ARHGAP28: variants seen among roughly 807,000 people sequenced by gnomAD.
The protein encoded by ARHGAP28 is Rho GTPase activating protein 28.
ARHGAP28 carries 56 observed loss-of-function variants against 90.7 expected under a neutral mutation model. That is an observed-to-expected ratio of 0.62 (90% CI 0.50 to 0.77). The LOEUF (loss-of-function observed/expected upper bound fraction) is 0.77. ARHGAP28 is among the 30% of genes least tolerant of loss of function. ARHGAP28 has a pLI of 0.00. For synonymous variants in ARHGAP28, 308 were observed against 323.3 expected (o/e 0.95, Z 0.51); for missense variants, 869 against 900.9 (o/e 0.96, Z 0.45).
chr18:6,870,780 T>A lies in ARHGAP28; in HGVS notation c.954+48T>A, dbSNP rs75820601. The A allele has an allele frequency of 2.6e-6, 4 of 1,538,700 alleles. No individual in the cohort carries two copies. In the Admixed American group the frequency reaches 8.6e-5, roughly 33 times the overall value. On this transcript the variant is annotated intron_variant, in intron 7 of 17. Coordinates refer to ENST00000383472, the MANE Select transcript of ARHGAP28 (RefSeq NM_001366230.1). ...ATTCCAGGAACTTCCTGTGACTTCA[T>A]AGGACAAAACTAAGATTTCTTTTTC...
intron 1 of ARHGAP28, among the ~76,000 whole-genome samples, chr18:6,780,482 C>T (rs962181601): frequency 3.9e-5 from 6 of 152,008 alleles, no homozygotes; most frequent in African/African-American, 1.4e-4. Flanking sequence ...ATGTAATGGA[C>T]TTGAGCATCG....
intron 11 of ARHGAP28, among the ~76,000 whole-genome samples, chr18:6,884,866 G>C (rs2057207951): frequency 6.6e-6 from 1 of 151,936 alleles, no homozygotes. Flanking sequence ...ATTTAAGAAG[G>C]GTATATGAAT....
chr18:6,768,053 T>G (rs1323597181), intron 1 of ARHGAP28, among the ~76,000 whole-genome samples: 2 of 152,278 alleles, frequency 1.3e-5, no homozygotes, highest in Non-Finnish European at 2.9e-5. Flanking sequence ...GTCTCCAAAT[T>G]TATTGGTCTC....
chr18:6,843,925 A>G (rs2056846285), intron 3 of ARHGAP28, among the ~76,000 whole-genome samples: 1 of 152,202 alleles, frequency 6.6e-6, no homozygotes, highest in Non-Finnish European at 1.5e-5. Flanking sequence ...TTAGTTGTAT[A>G]TTAAATCAAA....
At chr18:6,741,479 C>A (rs374733381) in intron 1 of ARHGAP28, among the ~76,000 whole-genome samples, 20 of 152,312 alleles carry the variant, frequency 1.3e-4, no homozygotes, top group African/African-American at 4.8e-4. Flanking sequence ...GCTGTGTCAT[C>A]CTTCATGAGG....
chr18:6,749,764 G>C (rs1600149462), intron 1 of ARHGAP28, among the ~76,000 whole-genome samples: 1 of 152,200 alleles, frequency 6.6e-6, no homozygotes, highest in African/African-American at 2.4e-5. Flanking sequence ...ATTTAGAGTA[G>C]TAATATAATC....
chr18:6,877,281 G>A (rs746170978), intron 10 of ARHGAP28, among the ~76,000 whole-genome samples: 1 of 152,188 alleles, frequency 6.6e-6, no homozygotes, highest in Non-Finnish European at 1.5e-5. Context: ...GGTGAGGAGC[G>A]GAGGAGAGTC....
At chr18:6,875,258 C>T (rs184019984) in intron 9 of ARHGAP28, among the ~76,000 whole-genome samples, 17 of 152,302 alleles carry the variant, frequency 1.1e-4, no homozygotes, top group Non-Finnish European at 2.1e-4. Context: ...AAGTGTTCCT[C>T]GCTACGACAC....
chr18:6,733,414 C>G (rs1195776440), intron 1 of ARHGAP28, among the ~76,000 whole-genome samples: 1 of 152,050 alleles, frequency 6.6e-6, no homozygotes, highest in Non-Finnish European at 1.5e-5. Flanking sequence ...CCCACACCCC[C>G]CGTTTCTTTA....
At position 6,844,785 on chromosome 18, in the gene ARHGAP28, T is replaced by C. The variant is rs537763580; in HGVS notation, c.544-6249T>C. On this transcript the variant is annotated intron_variant, in intron 3 of 17. Coordinates refer to ENST00000383472, the MANE Select transcript of ARHGAP28 (RefSeq NM_001366230.1). ...GAAAAAAAAATTATTTCAAGACAGT[T>C]AGAAAAACTAATGAAAAAATGCCCA... 4.9e-4 allele frequency among the ~76,000 whole-genome samples: 74 copies of C among 152,048 alleles called. 1 individual carries two copies. The South Asian group carries it at 7.5e-3, about 15-fold the overall frequency.
chr18:6,745,175 A>G (rs986578839), intron 1 of ARHGAP28, among the ~76,000 whole-genome samples: 2 of 152,150 alleles, frequency 1.3e-5, no homozygotes, highest in Non-Finnish European at 2.9e-5. Context: ...AATCTATTTC[A>G]CTTTTTTTCC....
intron 1 of ARHGAP28, among the ~76,000 whole-genome samples, chr18:6,757,730 G>A (rs1246824329): frequency 6.6e-6 from 1 of 152,096 alleles, no homozygotes; most frequent in African/African-American, 2.4e-5. Context: ...CAAAGACACA[G>A]AAACAGACCA....
rs142975673 is a variant in ARHGAP28 at position 6,740,171 on chromosome 18, A to G, written c.122+10228A>G. On this transcript the variant is annotated intron_variant, in intron 1 of 17. Transcript: ENST00000383472. ...GTCCGGCCTTACCGTAAGAATTCAT[A>G]ATGAACATTGAGAAACCACACTTCA... Among the ~76,000 whole-genome samples the G allele has an allele frequency of 3.0e-3, 454 of 152,310 alleles. 1 individual carries two copies. Among genetic ancestry groups the G allele is most frequent in the Middle Eastern group, 6.8e-3 (2 of 294 alleles).
rs377059441 is a variant in ARHGAP28, at chr18:6,729,797, G to A, written c.-25G>A. ...TGGTCCCGGTCTTTGTTCTGGGGCC[G>A]GCGCCGAGACATGCGCGGCTGACGA... On this transcript the variant is annotated 5_prime_UTR_variant, in exon 1 of 18. Coordinates refer to ENST00000383472, the MANE Select transcript of ARHGAP28 (RefSeq NM_001366230.1). The A allele has an allele frequency of 1.4e-5, 19 of 1,385,234 alleles. No homozygotes were observed. In the Admixed American group the frequency reaches 1.9e-4, roughly 14 times the overall value. The allele number at this position is 1,385,234 out of a possible 1,614,324, so 85.8% of individuals were successfully genotyped here.
At chr18:6,846,001 C>G (rs1378754816) in intron 3 of ARHGAP28, among the ~76,000 whole-genome samples, 1 of 152,170 alleles carries the variant, frequency 6.6e-6, no homozygotes, top group African/African-American at 2.4e-5. Context: ...GGCTTTATTT[C>G]TATGAGATGA....
intron 1 of ARHGAP28, among the ~76,000 whole-genome samples, chr18:6,782,941 T>C (rs1416754263): frequency 2.0e-5 from 3 of 152,102 alleles, no homozygotes; most frequent in East Asian, 3.9e-4. Context: ...TCAGTAACAT[T>C]GTATCTGAAT....
intron 17 of ARHGAP28, among the ~76,000 whole-genome samples, chr18:6,911,722 C>T (rs933544626): frequency 2.5e-4 from 38 of 152,104 alleles, no homozygotes; most frequent in Admixed American, 5.2e-4. Flanking sequence ...AGGTGTGAGC[C>T]ACTGCGCCCA....
At chr18:6,764,934 A>G (rs1328111467) in intron 1 of ARHGAP28, among the ~76,000 whole-genome samples, 2 of 152,290 alleles carry the variant, frequency 1.3e-5, no homozygotes, top group Admixed American at 1.3e-4. Flanking sequence ...GACCAATACA[A>G]TTGAGGTATT....
chr18:6,749,333 G>T (rs1310566155), intron 1 of ARHGAP28, among the ~76,000 whole-genome samples: 1 of 152,140 alleles, frequency 6.6e-6, no homozygotes, highest in African/African-American at 2.4e-5. Flanking sequence ...ATATTCCTTG[G>T]TAGTATTGTT....
Sources: allele counts gnomAD v4.1 joint callset (sites outside exome capture counted in the v4.1 genomes callset), GRCh38; gene constraint gnomAD v4.1.1; transcripts MANE v1.5; gene names NCBI Gene and HGNC (gene_info 2026-07-23, HGNC 2026-07-21).